The following DLG2 variants were observed in gnomAD, a reference collection of about 807,000 sequenced individuals.
DLG2 encodes disks large homolog 2.
Under a neutral mutation model 132.5 loss-of-function variants are expected in DLG2, and 45 were observed. The ratio of observed to expected loss-of-function variants is 0.34; its 90% CI spans 0.27 to 0.44. The LOEUF (loss-of-function observed/expected upper bound fraction) is 0.44. Ranked by LOEUF, DLG2 falls within the 20% of genes least tolerant of loss-of-function variation. DLG2 has a pLI of 1.00. For synonymous variants in DLG2, 424 were observed against 419.6 expected (o/e 1.01, Z -0.13); for missense variants, 1,045 against 1,196.9 (o/e 0.87, Z 1.87).
chr11:84,511,876 C>A (rs1365612138), intron 7 of DLG2, among the ~76,000 whole-genome samples: 1 of 152,084 alleles, frequency 6.6e-6, no homozygotes, highest in East Asian at 1.9e-4. Context: ...AGATTTAAAA[C>A]AATATATCTG....
chr11:83,591,161 T>C (rs1405562944), intron 19 of DLG2, among the ~76,000 whole-genome samples: 167 of 149,574 alleles, frequency 1.1e-3, no homozygotes, highest in Admixed American at 2.7e-3. Context: ...ATCATCCTGA[T>C]ACCAAAGCCA....
Position 85,484,990 on chromosome 11 carries a change from G to A in DLG2, c.40+113667C>T, listed in dbSNP as rs1293124144. Among the ~76,000 whole-genome samples, 16 of 152,288 alleles carry A rather than the reference G, an allele frequency of 1.1e-4. No individual in the cohort carries two copies. In the East Asian group the frequency reaches 2.9e-3, roughly 28 times the overall value. ...ATCATAGACTGGATTAAGAAAATGT[G>A]GCACACATACACCATGGAATACTAT... On this transcript the variant is annotated intron_variant, in intron 3 of 27. Transcript: ENST00000376104.
chr11:84,473,381 G>A (rs994845016), intron 7 of DLG2, among the ~76,000 whole-genome samples: 8 of 151,974 alleles, frequency 5.3e-5, no homozygotes, highest in East Asian at 1.9e-4. Flanking sequence ...AGAATGACAT[G>A]AAGCTTCTTG....
chr11:83,632,954 G>A, intron 19 of DLG2: 1 of 413,912 alleles, frequency 2.4e-6, no homozygotes, highest in Non-Finnish European at 4.3e-6. Context: ...TATTTTTATT[G>A]CAACCTATGC....
At chr11:85,596,374 C>T (rs1303667391) in intron 3 of DLG2, among the ~76,000 whole-genome samples, 3 of 151,988 alleles carry the variant, frequency 2.0e-5, no homozygotes, top group East Asian at 1.9e-4. Flanking sequence ...AGCGACAGAG[C>T]GAGACTCCAT....
intron 3 of DLG2, among the ~76,000 whole-genome samples, chr11:85,357,184 C>A (rs573664102): frequency 2.0e-5 from 3 of 150,930 alleles, no homozygotes; most frequent in African/African-American, 7.3e-5. Flanking sequence ...CTATGCATAC[C>A]TCCAAAAAGA....
chr11:83,985,577 A>G (rs1046345505), intron 11 of DLG2, among the ~76,000 whole-genome samples: 1 of 152,000 alleles, frequency 6.6e-6, no homozygotes. Context: ...CTCATCATTC[A>G]GCTCCCACTT....
intron 7 of DLG2, among the ~76,000 whole-genome samples, chr11:84,361,593 A>G (rs1237071112): frequency 1.3e-5 from 2 of 152,036 alleles, no homozygotes; most frequent in Non-Finnish European, 2.9e-5. Context: ...GAGGAAACGT[A>G]TATCTATACA....
At chr11:85,421,124 T>TG (rs1407630562) in intron 3 of DLG2, among the ~76,000 whole-genome samples, 1 of 152,196 alleles carries the variant, frequency 6.6e-6, no homozygotes, top group African/African-American at 2.4e-5. Context: ...TCCTGTTTTG[T>TG]GGGTTGTGAA....
chr11:85,577,820 G>T (rs755886010), intron 3 of DLG2, among the ~76,000 whole-genome samples: 2 of 152,068 alleles, frequency 1.3e-5, no homozygotes, highest in Non-Finnish European at 2.9e-5. Flanking sequence ...ACTACCCAAA[G>T]CAACTTATAC....
intron 18 of DLG2, among the ~76,000 whole-genome samples, chr11:83,706,947 TAAC>T (rs1212838566): frequency 6.6e-6 from 1 of 152,230 alleles, no homozygotes; most frequent in Non-Finnish European, 1.5e-5. Context: ...GGGGTCATGA[TAAC>T]AACAAAAGTA....
chr11:83,866,227 A>G (rs1354038516), intron 16 of DLG2, among the ~76,000 whole-genome samples: 1 of 152,194 alleles, frequency 6.6e-6, no homozygotes, highest in African/African-American at 2.4e-5. Flanking sequence ...ATTGGTTGGC[A>G]TCATCATAAA....
At chr11:83,779,806 T>A (rs2094734978) in intron 18 of DLG2, among the ~76,000 whole-genome samples, 2 of 152,232 alleles carry the variant, frequency 1.3e-5, no homozygotes, top group Non-Finnish European at 2.9e-5. Flanking sequence ...TCTATCAAGT[T>A]AACTAGGTCG....
chr11:85,277,451 T>G (rs1000078735), intron 4 of DLG2, among the ~76,000 whole-genome samples: 1 of 152,186 alleles, frequency 6.6e-6, no homozygotes, highest in East Asian at 1.9e-4. Flanking sequence ...ATGAATGTAA[T>G]CTAATTTCAT....
chr11:83,856,564 T>A (rs928712656), intron 16 of DLG2, among the ~76,000 whole-genome samples: 15 of 152,178 alleles, frequency 9.9e-5, no homozygotes, highest in African/African-American at 2.7e-4. Context: ...GGTTTTTTGA[T>A]TTGCATTTCT....
intron 3 of DLG2, among the ~76,000 whole-genome samples, chr11:85,386,797 G>A (rs1427476573): frequency 2.0e-5 from 3 of 147,770 alleles, no homozygotes; most frequent in Non-Finnish European, 4.5e-5. Flanking sequence ...AAAAGGAAGG[G>A]AGAAAGGAAG....
chr11:85,000,271 C>T (rs2058085886), intron 6 of DLG2, among the ~76,000 whole-genome samples: 2 of 152,154 alleles, frequency 1.3e-5, no homozygotes, highest in Admixed American at 1.3e-4. Context: ...ATCTTCAAGA[C>T]AGCACTGTAA....
intron 6 of DLG2, among the ~76,000 whole-genome samples, chr11:85,095,621 T>C (rs751434930): frequency 4.6e-5 from 7 of 152,310 alleles, no homozygotes; most frequent in African/African-American, 7.2e-5. Context: ...CACAGGCCAA[T>C]TGACATCTCT....
intron 8 of DLG2, among the ~76,000 whole-genome samples, chr11:84,184,491 T>C (rs1321866824): frequency 6.6e-6 from 1 of 152,072 alleles, no homozygotes; most frequent in East Asian, 1.9e-4. Flanking sequence ...GATGAGTAGA[T>C]TGCAAAAATT....
Sources: gnomAD v4.1 joint callset for allele counts (sites outside exome capture counted in the v4.1 genomes callset) on GRCh38, gnomAD v4.1.1 for gene constraint, MANE v1.5 for transcripts, NCBI Gene and HGNC (gene_info 2026-07-23, HGNC 2026-07-21) for gene names.